SIL1: variants seen among roughly 807,000 people sequenced by gnomAD.
SIL1 encodes SIL1 nucleotide exchange factor.
Under a neutral mutation model 49.1 loss-of-function variants are expected in SIL1, and 40 were observed. The observed-to-expected ratio is 0.81, with a 90% CI of 0.63 to 1.06. SIL1 has a LOEUF of 1.06. Among genes scored for constraint, SIL1 ranks in the 50% least tolerant of loss-of-function variants. The pLI is 0.00. For synonymous variants in SIL1, 253 were observed against 250.8 expected, an observed-to-expected ratio of 1.01 and a Z score of -0.08; for missense variants, 500 against 572.6, an observed-to-expected ratio of 0.87 and a Z score of 1.29.
At chr5:139,101,756 A>G (rs1482117057) in intron 3 of SIL1, among the ~76,000 whole-genome samples, 8 of 152,200 alleles carry the variant, frequency 5.3e-5, no homozygotes, top group Non-Finnish European at 4.4e-5. Flanking sequence ...ACTGCTTGCT[A>G]TCAAAGGGGA....
intron 7 of SIL1, among the ~76,000 whole-genome samples, chr5:138,980,142 G>A (rs745644979): frequency 1.3e-5 from 2 of 152,180 alleles, no homozygotes; most frequent in Non-Finnish European, 2.9e-5. Flanking sequence ...GTTATACTGA[G>A]GAAAAAGAGA....
At chr5:139,101,560 T>C (rs924976403) in intron 3 of SIL1, among the ~76,000 whole-genome samples, 1 of 152,224 alleles carries the variant, frequency 6.6e-6, no homozygotes, top group Non-Finnish European at 1.5e-5. Flanking sequence ...ATCTACCTTT[T>C]CTCTTCCCCC....
chr5:139,150,427 T>A (rs1272557959), intron 1 of SIL1, among the ~76,000 whole-genome samples: 3 of 152,132 alleles, frequency 2.0e-5, no homozygotes, highest in Non-Finnish European at 4.4e-5. Flanking sequence ...TCAGCCATCA[T>A]CAACTATTGT....
chr5:139,096,559 TGAG>T lies in SIL1; in HGVS notation c.244+24473_244+24475del, dbSNP rs751814442. 2.6e-5 allele frequency among the ~76,000 whole-genome samples: 4 copies of T among 151,228 alleles called. No homozygotes were observed. In the East Asian group the frequency reaches 6.0e-4, roughly 22 times the overall value. ...CCAAAAGAGGCCCCTTCCTTCTGCTTGAGAAGAAGAGAGAAAAGAGTGGGGAGG... is the reference window on the plus strand; with the variant it reads ...CCAAAAGAGGCCCCTTCCTTCTGCTTAAGAAGAGAGAAAAGAGTGGGGAGG... On this transcript the variant is annotated intron_variant, in intron 3 of 9. Coordinates refer to ENST00000394817, the MANE Select transcript of SIL1 (RefSeq NM_022464.5).
intron 3 of SIL1, among the ~76,000 whole-genome samples, chr5:139,101,655 A>G (rs1770590457): frequency 6.6e-6 from 1 of 152,206 alleles, no homozygotes; most frequent in Admixed American, 6.5e-5. Flanking sequence ...TCTGTTATTC[A>G]ATCAGTCACC....
At chr5:139,099,653 A>T (rs2151781523) in intron 3 of SIL1, among the ~76,000 whole-genome samples, 1 of 152,344 alleles carries the variant, frequency 6.6e-6, no homozygotes, top group East Asian at 1.9e-4. Context: ...ACTAGAGATC[A>T]TTATGTTAAA....
At chr5:138,964,917 G>A (rs1045104538) in intron 7 of SIL1, among the ~76,000 whole-genome samples, 2 of 152,250 alleles carry the variant, frequency 1.3e-5, no homozygotes, top group Admixed American at 1.3e-4. Flanking sequence ...GCTGAGTATG[G>A]ACCAATGTCC....
At chr5:139,114,708 A>C (rs1770947320) in intron 3 of SIL1, among the ~76,000 whole-genome samples, 1 of 152,244 alleles carries the variant, frequency 6.6e-6, no homozygotes, top group South Asian at 2.1e-4. Context: ...ACTGTGCAGA[A>C]AGAAGTAGCA....
chr5:139,074,839 T>C (rs1769912326), intron 3 of SIL1, among the ~76,000 whole-genome samples: 1 of 152,206 alleles, frequency 6.6e-6, no homozygotes, highest in African/African-American at 2.4e-5. Context: ...ATTTTTATTT[T>C]TTTTGAGGCA....
rs567154489 is a variant in SIL1, at chr5:139,145,746, A to G, written c.-10-17893T>C. ...AGTTCTGATACATGCTACAATATGA[A>G]TGAAACCTTAAAACACTATTCTAAG... On this transcript the variant is annotated intron_variant, in intron 1 of 9. Transcript: ENST00000394817. Among the ~76,000 whole-genome samples, 6 of 151,448 alleles carry G rather than the reference A, an allele frequency of 4.0e-5. No individual in the cohort carries two copies. In the East Asian group the frequency reaches 1.2e-3, roughly 30 times the overall value.
intron 7 of SIL1, among the ~76,000 whole-genome samples, chr5:138,976,956 T>C (rs1457667155): frequency 6.6e-6 from 1 of 152,172 alleles, no homozygotes; most frequent in Non-Finnish European, 1.5e-5. Context: ...TCACACATCC[T>C]GAGCTTCTCA....
At chr5:139,158,186 A>T (rs962489625) in intron 1 of SIL1, among the ~76,000 whole-genome samples, 2 of 152,238 alleles carry the variant, frequency 1.3e-5, no homozygotes, top group African/African-American at 4.8e-5. Flanking sequence ...AGAATTAGAA[A>T]GCAGGTCTGA....
intron 2 of SIL1, among the ~76,000 whole-genome samples, chr5:139,121,586 A>G (rs753713343): frequency 3.3e-5 from 5 of 152,224 alleles, no homozygotes; most frequent in Non-Finnish European, 7.3e-5. Flanking sequence ...CATATTTAGA[A>G]AAGAAAAAAA....
At chr5:139,112,154 T>G (rs988651812) in intron 3 of SIL1, among the ~76,000 whole-genome samples, 4 of 152,254 alleles carry the variant, frequency 2.6e-5, no homozygotes, top group Non-Finnish European at 4.4e-5. Context: ...GTGCTCAATG[T>G]TGCCCAGGCT....
chr5:138,950,233 G>A lies in SIL1; in HGVS notation c.1029+938C>T, dbSNP rs555236649. 8.5e-5 allele frequency among the ~76,000 whole-genome samples: 13 copies of A among 152,356 alleles called. No homozygotes were observed. In the South Asian group the frequency reaches 2.7e-3, roughly 32 times the overall value. Reference sequence around the variant, plus strand: ...GTCCTTCTCCAGGCTCACTGGCCCAGTCCCAGAACCTGAACTGTGCCCAGG... The same window carrying A: ...GTCCTTCTCCAGGCTCACTGGCCCAATCCCAGAACCTGAACTGTGCCCAGG... On this transcript the variant is annotated intron_variant, in intron 9 of 9. Coordinates refer to ENST00000394817, the MANE Select transcript of SIL1 (RefSeq NM_022464.5).
chr5:139,112,159 C>A (rs1385336896), intron 3 of SIL1, among the ~76,000 whole-genome samples: 2 of 152,264 alleles, frequency 1.3e-5, no homozygotes, highest in Non-Finnish European at 2.9e-5. Context: ...CAATGTTGCC[C>A]AGGCTGGAGT....
intron 1 of SIL1, among the ~76,000 whole-genome samples, chr5:139,139,366 T>A (rs1172573184): frequency 6.6e-6 from 1 of 152,126 alleles, no homozygotes; most frequent in Non-Finnish European, 1.5e-5. Flanking sequence ...GTCTCTAAGC[T>A]TCCAGAAAAC....
intron 3 of SIL1, among the ~76,000 whole-genome samples, chr5:139,054,231 C>T (rs116473300): frequency 0.013 from 1,920 of 152,134 alleles, 36 homozygotes; most frequent in African/African-American, 0.043. Flanking sequence ...CAGTGAGACC[C>T]CGTCTGTACA....
rs1766831404 is a variant in SIL1 at position 138,953,498 on chromosome 5, T to C, written c.768-1614A>G. The C allele has an allele frequency of 2.6e-5, 4 of 152,282 alleles. No homozygotes were observed. In the South Asian group the frequency reaches 8.3e-4, roughly 32 times the overall value. The allele number at this position is 152,282 out of a possible 1,614,324, so 9.4% of individuals were successfully genotyped here. A position where few individuals can be genotyped will look rare whatever the true frequency, so the allele number is the denominator to read the frequency against. On this transcript the variant is annotated intron_variant, in intron 7 of 9. Coordinates refer to ENST00000394817, the MANE Select transcript of SIL1 (RefSeq NM_022464.5). ...AAAGCTCCTTTGTACCACGTGTCAC[T>C]CTGTAGCCTCTCAGCCAGAAAGGAA...
Sources: allele counts gnomAD v4.1 joint callset (sites outside exome capture counted in the v4.1 genomes callset), GRCh38; gene constraint gnomAD v4.1.1; transcripts MANE v1.5; gene names NCBI Gene and HGNC (gene_info 2026-07-23, HGNC 2026-07-21).